Variants in LIPJ observed in about 807,000 individuals in gnomAD.
LIPJ encodes lipase family member J, also known as lipase member J.
Under a neutral mutation model 39.8 loss-of-function variants are expected in LIPJ, and 33 were observed. The ratio of observed to expected loss-of-function variants is 0.83; its 90% confidence interval spans 0.63 to 1.11. The LOEUF (loss-of-function observed/expected upper bound fraction) is 1.11. LIPJ is among the 50% of genes least tolerant of loss of function. LIPJ has a pLI of 0.00. For synonymous variants in LIPJ, 128 were observed against 139.2 expected (o/e 0.92, Z 0.57); for missense variants, 422 against 427.9 (o/e 0.99, Z 0.12).
chr10:88,583,184 G>C (rs774628098), upstream of LIPJ: 5 of 1,613,894 alleles, frequency 3.1e-6, no homozygotes, highest in Non-Finnish European at 4.2e-6. Flanking sequence ...ATCAGCACCT[G>C]CGCCATGGCG....
At chr10:88,589,198 C>T (rs924694350) in intron 2 of LIPJ, among the ~76,000 whole-genome samples, 2 of 151,822 alleles carry the variant, frequency 1.3e-5, no homozygotes, top group African/African-American at 4.8e-5. Context: ...GTGTAGTAAG[C>T]TACAATATCA....
At chr10:88,591,699 A>C (rs1851086000) in intron 4 of LIPJ, 1 of 348,650 alleles carries the variant, frequency 2.9e-6, no homozygotes, top group Admixed American at 4.7e-5. Flanking sequence ...TTGTGATGGA[A>C]CACAAGCTGT....
upstream of LIPJ, chr10:88,583,624 G>A (rs1850792930): frequency 2.0e-6 from 2 of 989,852 alleles, no homozygotes; most frequent in South Asian, 4.6e-5. Context: ...ATTTGAAAGT[G>A]GGAAGAAGAA....
chr10:88,602,559 T>C lies in LIPJ; in HGVS notation c.724-17T>C, dbSNP rs758861718. ...AACTTATATAAAAATGCTTTTTTTT[T>C]TTTTTTTACCCCTCAGAGTCGTTTG... On this transcript the variant is annotated splice_polypyrimidine_tract_variant and intron_variant, in intron 8 of 10. Coordinates refer to ENST00000371939, the Ensembl canonical transcript of LIPJ. The C allele has an allele frequency of 2.7e-6, 4 of 1,474,564 alleles. No individual in the cohort carries two copies. The highest frequency in any genetic ancestry group is 3.7e-6 in the Non-Finnish European group (4 of 1,090,028). 91.3% of individuals were successfully genotyped at this position (1,474,564 alleles called of 1,614,324 possible). A position where few individuals can be genotyped will look rare whatever the true frequency, so the allele number is the denominator to read the frequency against.
At chr10:88,595,548 G>T (rs1037553508) in intron 6 of LIPJ, among the ~76,000 whole-genome samples, 1 of 151,408 alleles carries the variant, frequency 6.6e-6, no homozygotes, top group African/African-American at 2.4e-5. Context: ...GTGACTTTTA[G>T]TCCAAATTCT....
intron 8 of LIPJ, 41 bp from the exon 9 acceptor site, chr10:88,602,535 A>G: frequency 1.4e-6 from 2 of 1,420,392 alleles, no homozygotes; most frequent in African/African-American, 2.9e-5. Context: ...CTATGATTCA[A>G]CTTATATAAA....
chr10:88,589,524 T>C (rs1218871071), intron 2 of LIPJ, among the ~76,000 whole-genome samples: 1 of 151,810 alleles, frequency 6.6e-6, no homozygotes, highest in Non-Finnish European at 1.5e-5. Flanking sequence ...AGGAAAGAAG[T>C]GCAGCTTCTG....
upstream of LIPJ, chr10:88,582,994 C>A (rs1487519057): frequency 7.1e-5 from 106 of 1,493,394 alleles, no homozygotes; most frequent in Non-Finnish European, 9.0e-5. Context: ...CTTAGACTTT[C>A]TTGGGTGCAG....
intron 2 of LIPJ, among the ~76,000 whole-genome samples, chr10:88,589,774 T>C (rs1851020715): frequency 6.6e-6 from 1 of 151,868 alleles, no homozygotes; most frequent in Admixed American, 6.6e-5. Context: ...ATTACACTAA[T>C]ACATCATATT....
chr10:88,615,627 CAAAAAA>C, the LIPJ span, among the ~76,000 whole-genome samples: 1 of 24,238 alleles, frequency 4.1e-5, no homozygotes, highest in East Asian at 1.5e-3. Flanking sequence ...GACTCCACCT[CAAAAAA>C]AAAAAAAAAA....
At chr10:88,620,223 A>G in the LIPJ span, among the ~76,000 whole-genome samples, 1 of 152,184 alleles carries the variant, frequency 6.6e-6, no homozygotes, top group Non-Finnish European at 1.5e-5. Flanking sequence ...AGTACTAAAG[A>G]GGAAAAAATA....
chr10:88,616,891 C>T, the LIPJ span, among the ~76,000 whole-genome samples: 1 of 152,270 alleles, frequency 6.6e-6, no homozygotes, highest in Admixed American at 6.5e-5. Context: ...TCTGTGAAAA[C>T]AGGACATGGA....
chr10:88,595,503 A>G (rs1430874520), intron 6 of LIPJ, among the ~76,000 whole-genome samples: 2 of 151,688 alleles, frequency 1.3e-5, no homozygotes, highest in African/African-American at 4.8e-5. Flanking sequence ...CCCATTTTGT[A>G]TAGATCTTTT....
At chr10:88,594,341 A>C (rs1590078255) in intron 5 of LIPJ, 197 bp downstream of exon 5, 4 of 562,148 alleles carry the variant, frequency 7.1e-6, no homozygotes, top group Non-Finnish European at 1.2e-5. Context: ...CGTTTCAGCA[A>C]TAATCTTTAT....
intron 8 of LIPJ, among the ~76,000 whole-genome samples, chr10:88,602,305 T>C (rs922021366): frequency 1.3e-5 from 2 of 152,130 alleles, no homozygotes; most frequent in Admixed American, 6.6e-5. Flanking sequence ...TGTGTCTGTA[T>C]AGGTGTGTGT....
the LIPJ span, among the ~76,000 whole-genome samples, chr10:88,621,077 T>A: frequency 6.6e-6 from 1 of 152,170 alleles, no homozygotes; most frequent in African/African-American, 2.4e-5. Context: ...TAGTGTCACA[T>A]GGAGTATTCA....
In LIPJ at chr10:88,596,410, AGTCATGGTAT is replaced by A; in HGVS notation, c.573_576+6del. 6.5e-7 allele frequency: 1 copy of A among 1,529,316 alleles called. No homozygotes were observed. The highest frequency in any genetic ancestry group is 8.8e-7 in the Non-Finnish European group (1 of 1,140,804). 94.7% of individuals were successfully genotyped at this position (1,529,316 alleles called of 1,614,324 possible). ...GAATGACATACAAATGGAAGTCAAT[AGTCATGGTAT>A]GTTCTACCTTTATTTTATGTCATTG... is the stretch of plus-strand genomic sequence containing the variant. On this transcript the variant is annotated splice_donor_variant and splice_donor_region_variant and coding_sequence_variant and intron_variant, in exon 7 of 11. Transcript: ENST00000371939. LOFTEE classifies it high-confidence loss of function.
chr10:88,593,345 T>G (rs1185781198), intron 4 of LIPJ: 1 of 151,870 alleles, frequency 6.6e-6, no homozygotes, highest in Non-Finnish European at 1.5e-5. Flanking sequence ...TGGCAAGCTC[T>G]TGTTCCTCAG....
chr10:88,610,981 C>T (rs528095002), downstream of LIPJ, among the ~76,000 whole-genome samples: 8 of 152,280 alleles, frequency 5.3e-5, no homozygotes, highest in South Asian at 2.1e-4. Context: ...AGAAGAGACG[C>T]AGAAAAACCG....
Sources: allele counts gnomAD v4.1 joint callset (sites outside exome capture counted in the v4.1 genomes callset), GRCh38; gene constraint gnomAD v4.1.1; transcripts MANE v1.5; gene names NCBI Gene and HGNC (gene_info 2026-07-23, HGNC 2026-07-21).